Variants in ASIC4 observed in about 807,000 individuals in gnomAD.
The protein encoded by ASIC4 is acid-sensing ion channel 4.
ASIC4 carries 28 observed loss-of-function variants against 53.4 expected under a neutral mutation model. The observed-to-expected ratio is 0.52, with a 90% CI of 0.39 to 0.72. The LOEUF (loss-of-function observed/expected upper bound fraction) is 0.72. Among genes scored for constraint, ASIC4 ranks in the 30% least tolerant of loss-of-function variants. ASIC4 has a pLI of 0.00. For synonymous variants in ASIC4, 289 were observed against 301.4 expected (o/e 0.96, Z 0.43); for missense variants, 649 against 729.7 (o/e 0.89, Z 1.27).
At chr2:219,530,889 A>G (rs1365433816) in intron 1 of ASIC4, among the ~76,000 whole-genome samples, 2 of 152,190 alleles carry the variant, frequency 1.3e-5, no homozygotes, top group African/African-American at 4.8e-5. Flanking sequence ...TTGTTGGGTA[A>G]GTCAGTTAGT....
rs183695130 is a variant in ASIC4 at position 219,536,991 on chromosome 2, C to T, written c.1230-75C>T. 133 of 1,313,386 alleles carry T rather than the reference C, an allele frequency of 1.0e-4. No homozygotes were observed. In the East Asian group the frequency reaches 2.5e-3, roughly 24 times the overall value. The allele number at this position is 1,313,386 out of a possible 1,614,324, so 81.4% of individuals were successfully genotyped here. A position where few individuals can be genotyped will look rare whatever the true frequency, so the allele number is the denominator to read the frequency against. On this transcript the variant is annotated intron_variant, in intron 6 of 9. Coordinates refer to ENST00000358078, the MANE Select transcript of ASIC4 (RefSeq NM_018674.6). The surrounding 1 kb of genome is among the most constrained non-coding windows in gnomAD (Gnocchi z 4.6). ...TGTAGTGATCTCTGATCAGGATCTG[C>T]TGGATCCAGGATGCCCCTGCCAGCC...
At chr2:219,508,575 G>C in the ASIC4 span, among the ~76,000 whole-genome samples, 15 of 151,208 alleles carry the variant, frequency 9.9e-5, no homozygotes, top group African/African-American at 3.6e-4. Context: ...AGAAGGACAT[G>C]CCCCCCCCAC....
At chr2:219,513,951 G>A (rs777850866), upstream of ASIC4, among the ~76,000 whole-genome samples, 6 of 152,206 alleles carry the variant, frequency 3.9e-5, no homozygotes, top group Non-Finnish European at 8.8e-5. Flanking sequence ...ATTCAAACAA[G>A]TGGCTCTCTC....
chr2:219,538,047 G>A lies in ASIC4; in HGVS notation c.*1G>A. On this transcript the variant is annotated 3_prime_UTR_variant, in exon 10 of 10. Transcript: ENST00000358078. Reference sequence around the variant, plus strand: ...TCTCTTTGAAGATTTTGCTTGCTAGGACGGTGCTGTGACTGAAAGGACCCA... The same window carrying A: ...TCTCTTTGAAGATTTTGCTTGCTAGAACGGTGCTGTGACTGAAAGGACCCA... The A allele has an allele frequency of 6.2e-7, 1 of 1,611,074 alleles. No individual in the cohort carries two copies. Among genetic ancestry groups the A allele is most frequent in the Non-Finnish European group, 8.5e-7 (1 of 1,178,514 alleles).
chr2:219,515,580 G>A (rs939353580), intron 1 of ASIC4, among the ~76,000 whole-genome samples: 1 of 152,254 alleles, frequency 6.6e-6, no homozygotes, highest in African/African-American at 2.4e-5. Flanking sequence ...GTTGGGGTGG[G>A]GGTTCCTAGG....
At chr2:219,519,304 A>G (rs1457419324) in intron 1 of ASIC4, among the ~76,000 whole-genome samples, 2 of 152,240 alleles carry the variant, frequency 1.3e-5, no homozygotes, top group Admixed American at 6.5e-5. Context: ...GTCAGCTGTT[A>G]TAAATGCCGC....
chr2:219,531,606 G>A, intron 1 of ASIC4, 152 bp from the exon 2 acceptor site: 1 of 827,336 alleles, frequency 1.2e-6, no homozygotes, highest in Non-Finnish European at 1.8e-6. Context: ...AGTTGGCGCT[G>A]ATTGGAGAGG....
rs781671132 is a variant in ASIC4 at position 219,535,272 on chromosome 2, G to C, written c.1177G>C (p.Gly393Arg). 6.2e-7 allele frequency: 1 copy of C among 1,613,902 alleles called. No individual in the cohort carries two copies. Among genetic ancestry groups the C allele is most frequent in the Admixed American group, 1.7e-5 (1 of 60,014 alleles). ...CTCCATGGTCAGGATCCCCAACAGGGGCTCAGCCCGGTACCTGGCGAGGAA... is the reference window on the plus strand; with the variant it reads ...CTCCATGGTCAGGATCCCCAACAGGCGCTCAGCCCGGTACCTGGCGAGGAA... Reference protein sequence around the residue: ...EISMVRIPNRGSARYLARKYN... With the variant: ...EISMVRIPNRRSARYLARKYN... The change falls in exon 6 of 10, where the codon GGC becomes CGC. Residue 393 changes from glycine to arginine, a missense_variant. Gly to Arg is a moderately radical substitution (Grantham distance 125). Coordinates refer to ENST00000358078, the MANE Select transcript of ASIC4 (RefSeq NM_018674.6).
In ASIC4 at chr2:219,517,057, G is replaced by C. The variant is rs1043945720; in HGVS notation, c.582+1751G>C. ...GCTCAGTCTTAGCAGGTGCTGTTGG[G>C]ACAGAAATCAATGGGATCTTTGTGT... On this transcript the variant is annotated intron_variant, in intron 1 of 9. Transcript: ENST00000358078. This position sits in a 1 kb window ranked among gnomAD's most constrained non-coding sequence, Gnocchi z 4.2. 1.3e-5 allele frequency: 2 copies of C among 152,394 alleles called. No individual in the cohort carries two copies. Among genetic ancestry groups the C allele is most frequent in the Non-Finnish European group, 2.9e-5 (2 of 68,180 alleles). 9.4% of individuals were successfully genotyped at this position (152,394 alleles called of 1,614,324 possible).
intron 1 of ASIC4, among the ~76,000 whole-genome samples, chr2:219,521,006 C>T (rs1252163963): frequency 1.3e-5 from 2 of 152,242 alleles, no homozygotes; most frequent in Non-Finnish European, 2.9e-5. Flanking sequence ...ATACTGAGGG[C>T]TGCCAACCCC....
intron 1 of ASIC4, among the ~76,000 whole-genome samples, chr2:219,523,100 C>T (rs942732044): frequency 2.6e-5 from 4 of 151,324 alleles, no homozygotes; most frequent in African/African-American, 9.7e-5. Flanking sequence ...CTCTTTCTGT[C>T]TTGTCTCCTG....
upstream of ASIC4, among the ~76,000 whole-genome samples, chr2:219,511,184 G>C (rs2125648873): frequency 6.6e-6 from 1 of 152,166 alleles, no homozygotes; most frequent in East Asian, 1.9e-4. This position sits in a 1 kb window ranked among gnomAD's most constrained non-coding sequence, Gnocchi z 5.3. Context: ...TTTTTGAATG[G>C]GGCCAGCCAG....
rs1466473361 is a variant in ASIC4, at chr2:219,536,985, G to A, written c.1230-81G>A. On this transcript the variant is annotated intron_variant, in intron 6 of 9. Coordinates refer to ENST00000358078, the MANE Select transcript of ASIC4 (RefSeq NM_018674.6). This position sits in a 1 kb window ranked among gnomAD's most constrained non-coding sequence, Gnocchi z 4.6. Reference sequence around the variant, plus strand: ...TCCCCATGTAGTGATCTCTGATCAGGATCTGCTGGATCCAGGATGCCCCTG... The same window carrying A: ...TCCCCATGTAGTGATCTCTGATCAGAATCTGCTGGATCCAGGATGCCCCTG... 4.0e-6 allele frequency: 5 copies of A among 1,244,816 alleles called. No homozygotes were observed. Among genetic ancestry groups the A allele is most frequent in the Non-Finnish European group, 5.8e-6 (5 of 860,738 alleles). The allele number at this position is 1,244,816 out of a possible 1,614,324, so 77.1% of individuals were successfully genotyped here.
chr2:219,537,575 G>T lies in ASIC4; in HGVS notation c.1402-57G>T. ...GGCAGCTGGGCATGGTAAGGCTCAC[G>T]CTTCTCCTCAACCAAATTTCCTGAG... On this transcript the variant is annotated intron_variant, in intron 8 of 9. Transcript: ENST00000358078. The surrounding 1 kb of genome is among the most constrained non-coding windows in gnomAD (Gnocchi z 4.9). 6.7e-7 allele frequency: 1 copy of T among 1,486,370 alleles called. No individual in the cohort carries two copies. The highest frequency in any genetic ancestry group is 9.2e-7 in the Non-Finnish European group (1 of 1,085,928). 92.1% of individuals were successfully genotyped at this position (1,486,370 alleles called of 1,614,324 possible).
At position 219,535,316 on chromosome 2, in the gene ASIC4, C is replaced by T. The variant is rs759494381; in HGVS notation, c.1221C>T (p.Thr407=). ...YLARKYNRNE[T]YIRENFLVLD... Reference sequence around the variant, plus strand: ...CGAGGAAGTACAACCGCAACGAGACCTACATACGGTATGTGTGTGTGTGTG... The same window carrying T: ...CGAGGAAGTACAACCGCAACGAGACTTACATACGGTATGTGTGTGTGTGTG... Residue 407 remains threonine, a synonymous_variant, in exon 6 of 10, where the codon ACC becomes ACT. Transcript: ENST00000358078. The T allele has an allele frequency of 6.2e-7, 1 of 1,607,662 alleles. No individual in the cohort carries two copies. The highest frequency in any genetic ancestry group is 1.4e-5 in the African/African-American group (1 of 73,348).
rs1375099990 is a variant in ASIC4 at position 219,514,591 on chromosome 2, C to T, written c.-134C>T. 1.9e-6 allele frequency: 3 copies of T among 1,592,642 alleles called. No homozygotes were observed. Among genetic ancestry groups the T allele is most frequent in the Non-Finnish European group, 8.5e-7 (1 of 1,169,776 alleles). On this transcript the variant is annotated 5_prime_UTR_variant, in exon 1 of 10. Transcript: ENST00000358078. Reference sequence around the variant, plus strand: ...CCCACCTCGGGCCCCCACCCTGTCCCTGTCCTCTTCCCGCTTGCCCTGAGT... The same window carrying T: ...CCCACCTCGGGCCCCCACCCTGTCCTTGTCCTCTTCCCGCTTGCCCTGAGT...
chr2:219,524,162 C>G (rs916048635), intron 1 of ASIC4, among the ~76,000 whole-genome samples: 4 of 152,252 alleles, frequency 2.6e-5, no homozygotes, highest in African/African-American at 9.6e-5. Flanking sequence ...TGCAGCCAGA[C>G]AGCAAGCTCC....
rs138559599 is a variant in ASIC4, at chr2:219,515,053, C to G, written c.329C>G (p.Ala110Gly). Residue 110 changes from alanine (A) to glycine (G), a missense_variant, in exon 1 of 10, where the codon GCG (alanine) becomes GGG (glycine). Ala to Gly is a moderately conservative substitution (Grantham distance 60). Transcript: ENST00000358078. ...GACCCCGCTGCCCCAGCCCCAGTGG[C>G]GGGCTTCCCGGCTGTCACCCTCTGC... is the stretch of plus-strand genomic sequence containing the variant. ...AMDPAAPAPVAGFPAVTLCNI... is the reference protein window; with the variant it reads ...AMDPAAPAPVGGFPAVTLCNI... 1.9e-6 allele frequency: 3 copies of G among 1,613,430 alleles called. No homozygotes were observed. The Admixed American group carries it at 5.0e-5, about 27-fold the overall frequency.
the ASIC4 span, among the ~76,000 whole-genome samples, chr2:219,508,489 T>C: frequency 6.6e-6 from 1 of 151,934 alleles, no homozygotes; most frequent in Admixed American, 6.6e-5. Flanking sequence ...AGCTGAGGTC[T>C]TTGTAACATG....
Sources: gnomAD v4.1 joint callset for allele counts (sites outside exome capture counted in the v4.1 genomes callset) on GRCh38, gnomAD v4.1.1 for gene constraint, Gnocchi (gnomAD v3.1) non-coding constraint, MANE v1.5 for transcripts, NCBI Gene and HGNC (gene_info 2026-07-23, HGNC 2026-07-21) for gene names.